Variants in CNTNAP2 observed in about 807,000 individuals in gnomAD.
CNTNAP2 encodes contactin-associated protein-like 2.
A neutral mutation model predicts 155.2 loss-of-function variants in CNTNAP2; 98 were observed. The observed-to-expected ratio is 0.63, with a 90% CI of 0.54 to 0.75. The LOEUF is 0.75. Ranked by LOEUF, CNTNAP2 falls within the 30% of genes least tolerant of loss-of-function variation. The pLI is 0.00. For synonymous variants in CNTNAP2, 651 were observed against 631.2 expected (o/e 1.03, Z -0.47); for missense variants, 1,727 against 1,688.1 (o/e 1.02, Z -0.40).
intron 15 of CNTNAP2, among the ~76,000 whole-genome samples, chr7:148,062,026 A>AGTGTGTGTGTGTGT (rs1429526235): frequency 1.4e-4 from 19 of 131,960 alleles, no homozygotes; most frequent in African/African-American, 5.6e-4. Context: ...AGAGAGAGAG[A>AGTGTGTGTGTGTGT]GAGTGTGTGT....
At chr7:147,896,454 T>C (rs1433675139) in intron 13 of CNTNAP2, among the ~76,000 whole-genome samples, 1 of 152,164 alleles carries the variant, frequency 6.6e-6, no homozygotes. Context: ...AGTTTTATTA[T>C]TACTCAAATC....
chr7:146,985,942 G>T (rs890555305), intron 3 of CNTNAP2, among the ~76,000 whole-genome samples: 5 of 151,692 alleles, frequency 3.3e-5, no homozygotes, highest in South Asian at 2.1e-4. Flanking sequence ...TATTAAAAAA[G>T]GATTTTTTTA....
At chr7:146,687,305 CA>C (rs1315894995) in intron 1 of CNTNAP2, among the ~76,000 whole-genome samples, 1 of 152,100 alleles carries the variant, frequency 6.6e-6, no homozygotes, top group Non-Finnish European at 1.5e-5. Context: ...TGATCTTGAG[CA>C]ACATAATTTC....
intron 1 of CNTNAP2, among the ~76,000 whole-genome samples, chr7:146,706,712 A>G (rs953883378): frequency 4.6e-5 from 7 of 152,100 alleles, no homozygotes; most frequent in African/African-American, 1.2e-4. Context: ...TGGGAGCTCA[A>G]TGATGAGAAC....
chr7:146,710,714 A>G (rs1243908670), intron 1 of CNTNAP2, among the ~76,000 whole-genome samples: 1 of 152,058 alleles, frequency 6.6e-6, no homozygotes, highest in African/African-American at 2.4e-5. Context: ...TTTACAGGCA[A>G]TGTCTCACAG....
At chr7:146,519,540 A>C (rs535219945) in intron 1 of CNTNAP2, among the ~76,000 whole-genome samples, 1 of 151,970 alleles carries the variant, frequency 6.6e-6, no homozygotes, top group African/African-American at 2.4e-5. Flanking sequence ...CATTCAGTCA[A>C]TTTTTCACAG....
intron 15 of CNTNAP2, among the ~76,000 whole-genome samples, chr7:148,044,177 G>C (rs946252669): frequency 6.7e-6 from 1 of 150,148 alleles, no homozygotes; most frequent in Admixed American, 6.7e-5. Context: ...CCAACTAATA[G>C]CTTGTTAATT....
At chr7:147,442,625 A>G (rs530438251) in intron 10 of CNTNAP2, among the ~76,000 whole-genome samples, 1 of 152,240 alleles carries the variant, frequency 6.6e-6, no homozygotes, top group East Asian at 1.9e-4. Flanking sequence ...TCTCACCTGA[A>G]GCCAGCAAGT....
In CNTNAP2 at chr7:147,311,429, G is replaced by A. The variant is rs141316714; in HGVS notation, c.1498+11139G>A. ...TATTGGCCAGTCTCTAGCAAAAATTGTCTGTTAGAATCCTGTGTCAGAAAG... is the reference window on the plus strand; with the variant it reads ...TATTGGCCAGTCTCTAGCAAAAATTATCTGTTAGAATCCTGTGTCAGAAAG... On this transcript the variant is annotated intron_variant, in intron 9 of 23. Transcript: ENST00000361727. Among the ~76,000 whole-genome samples, 116 of 152,276 alleles carry A rather than the reference G, an allele frequency of 7.6e-4. 2 individuals carry two copies. The highest frequency in any genetic ancestry group is 3.4e-3 in the Middle Eastern group (1 of 294).
chr7:147,183,812 T>C (rs1802513815), intron 8 of CNTNAP2, among the ~76,000 whole-genome samples: 1 of 152,190 alleles, frequency 6.6e-6, no homozygotes, highest in South Asian at 2.1e-4. Context: ...AGGGGAATGC[T>C]ACCTCTGCCT....
rs267601390 is a variant in CNTNAP2 at position 148,217,425 on chromosome 7, G to A, written c.3148G>A (p.Glu1050Lys). 2 of 1,614,166 alleles carry A rather than the reference G, an allele frequency of 1.2e-6. No individual in the cohort carries two copies. Among genetic ancestry groups the A allele is most frequent in the South Asian group, 1.1e-5 (1 of 91,076 alleles). ...CTCCCACCCGGACCTGGCACAGGAGGAGATCCGCTTCAGCTTCAGCACCAC... is the reference window on the plus strand; with the variant it reads ...CTCCCACCCGGACCTGGCACAGGAGAAGATCCGCTTCAGCTTCAGCACCAC... ...QNSHPDLAQE[E>K]IRFSFSTTKA... is the part of the protein sequence containing the mutation. The change falls in exon 19 of 24, where the codon GAG becomes AAG. Residue 1050 changes from glutamate to lysine, a missense_variant. Physicochemically the swap from Glu to Lys is moderately conservative, Grantham distance 56. Coordinates refer to ENST00000361727, the MANE Select transcript of CNTNAP2 (RefSeq NM_014141.6).
intron 12 of CNTNAP2, among the ~76,000 whole-genome samples, chr7:147,603,495 C>T (rs917194979): frequency 3.3e-5 from 5 of 152,066 alleles, no homozygotes; most frequent in Admixed American, 1.3e-4. Context: ...AATAAAATAC[C>T]TGGGAATCCA....
At chr7:146,818,865 T>C (rs1016680286) in intron 2 of CNTNAP2, among the ~76,000 whole-genome samples, 1 of 152,118 alleles carries the variant, frequency 6.6e-6, no homozygotes, top group Non-Finnish European at 1.5e-5. Context: ...TATTAGTGTA[T>C]GTATGTAAAA....
chr7:146,969,977 T>G (rs2129233039), intron 3 of CNTNAP2, among the ~76,000 whole-genome samples: 1 of 152,306 alleles, frequency 6.6e-6, no homozygotes, highest in Middle Eastern at 3.4e-3. Context: ...CCCTATTTAA[T>G]AAATGGTGCT....
intron 8 of CNTNAP2, among the ~76,000 whole-genome samples, chr7:147,234,813 T>C (rs1351700368): frequency 1.3e-5 from 2 of 152,194 alleles, no homozygotes; most frequent in Non-Finnish European, 2.9e-5. Context: ...TGGGTTTCTC[T>C]CATGGTTAGT....
At chr7:146,484,251 A>G (rs181108543) in intron 1 of CNTNAP2, among the ~76,000 whole-genome samples, 16 of 152,200 alleles carry the variant, frequency 1.1e-4, no homozygotes, top group Non-Finnish European at 2.1e-4. Context: ...ATGTTCACAT[A>G]ATGAAATTCA....
chr7:148,044,030 G>A (rs1802724798), intron 15 of CNTNAP2, among the ~76,000 whole-genome samples: 1 of 152,080 alleles, frequency 6.6e-6, no homozygotes. Context: ...ACTTGAGCTT[G>A]TAACAGACAT....
chr7:147,408,627 G>C (rs1450305787), intron 10 of CNTNAP2, among the ~76,000 whole-genome samples: 2 of 152,060 alleles, frequency 1.3e-5, no homozygotes, highest in Admixed American at 1.3e-4. Flanking sequence ...GCGTGGTGGC[G>C]GGCGCCTGTA....
intron 3 of CNTNAP2, among the ~76,000 whole-genome samples, chr7:146,955,393 A>G (rs1211979964): frequency 6.6e-6 from 1 of 151,936 alleles, no homozygotes; most frequent in African/African-American, 2.4e-5. Context: ...ATGCCACACA[A>G]GTGTCTCTTA....
Sources: gnomAD v4.1 joint callset for allele counts (sites outside exome capture counted in the v4.1 genomes callset) on GRCh38, gnomAD v4.1.1 for gene constraint, MANE v1.5 for transcripts, NCBI Gene and HGNC (gene_info 2026-07-23, HGNC 2026-07-21) for gene names.